The following ZBTB18 variants were observed in gnomAD, a reference collection of about 807,000 sequenced individuals.
The protein encoded by ZBTB18 is zinc finger and BTB domain containing 18, also known as zinc finger and BTB domain-containing protein 18.
Under a neutral mutation model 37.7 loss-of-function variants are expected in ZBTB18, and 2 were observed. The ratio of observed to expected loss-of-function variants is 0.05; its 90% CI spans 0.02 to 0.17. The LOEUF (loss-of-function observed/expected upper bound fraction) is 0.17. Ranked by LOEUF, ZBTB18 falls within the 10% of genes least tolerant of loss-of-function variation. The pLI is 1.00. For missense variants in ZBTB18, 408 were observed against 686.3 expected, an observed-to-expected ratio of 0.59 and a Z score of 4.53; for synonymous variants, 304 against 276.5, an observed-to-expected ratio of 1.10 and a Z score of -0.99.
upstream of ZBTB18, chr1:244,048,937 A>AGGAGGC (rs2148551211): frequency 6.3e-6 from 1 of 157,998 alleles, no homozygotes; most frequent in East Asian, 2.0e-4. Flanking sequence ...GAGGAGGAGG[A>AGGAGGC]GGAGGAGGCG....
chr1:244,053,338 AC>A lies in ZBTB18; in HGVS notation c.14-449del, dbSNP rs1300698568. 1.3e-5 allele frequency among the ~76,000 whole-genome samples: 2 copies of A among 152,188 alleles called. No individual in the cohort carries two copies. The highest frequency in any genetic ancestry group is 3.8e-4 in the East Asian group (2 of 5,198). The stretch of plus-strand genomic sequence containing the variant: ...CAAAAGTAATAAAAAGGATGGTTGA[AC>A]AAGTTTTCTTGTATGTTCCAGGATA... On this transcript the variant is annotated intron_variant, in intron 1 of 1. Transcript: ENST00000358704. The surrounding 1 kb of genome is among the most constrained non-coding windows in gnomAD (Gnocchi z 5.2).
intron 1 of ZBTB18, among the ~76,000 whole-genome samples, chr1:244,052,768 G>A (rs1698378767): frequency 6.6e-6 from 1 of 151,424 alleles, no homozygotes; most frequent in South Asian, 2.1e-4. Flanking sequence ...TGTTGGCTGA[G>A]GTAAGGCAGA....
chr1:244,049,239 C>G (rs558804254), upstream of ZBTB18, among the ~76,000 whole-genome samples: 1 of 94,726 alleles, frequency 1.1e-5, no homozygotes, highest in Admixed American at 1.1e-4. Context: ...GCTGCGGGGT[C>G]GGGCGGGGTG....
At chr1:244,050,856 T>C (rs943234426), upstream of ZBTB18, among the ~76,000 whole-genome samples, 13 of 152,194 alleles carry the variant, frequency 8.5e-5, no homozygotes, top group African/African-American at 3.1e-4. Flanking sequence ...ACTGGAGATG[T>C]CAAATGGGTT....
rs373509087 is a variant in ZBTB18, at chr1:244,055,199, C to T, written c.1425C>T (p.His475=). 31 of 1,613,960 alleles carry T rather than the reference C, an allele frequency of 1.9e-5. No homozygotes were observed. The African/African-American group carries it at 2.4e-4, about 13-fold the overall frequency. Residue 475 remains histidine, a synonymous_variant, in exon 2 of 2, where the codon CAC becomes CAT. Transcript: ENST00000358704. The surrounding 1 kb of genome is among the most constrained non-coding windows in gnomAD (Gnocchi z 7.0). Reference sequence around the variant, plus strand: ...TGGTGCACACCCGCGAGAAGCCGCACGCCTGCAAGTGGTGCGAGCGCAGGT... The same window carrying T: ...TGGTGCACACCCGCGAGAAGCCGCATGCCTGCAAGTGGTGCGAGCGCAGGT... ...HAVVHTREKP[H]ACKWCERRFT...
At chr1:244,050,162 G>A (rs569813646), upstream of ZBTB18, among the ~76,000 whole-genome samples, 1 of 152,200 alleles carries the variant, frequency 6.6e-6, no homozygotes, top group South Asian at 2.1e-4. Flanking sequence ...CTTTCTAATG[G>A]GAACGAAGTG....
At chr1:244,048,626 C>CCG (rs1291627050), upstream of ZBTB18, among the ~76,000 whole-genome samples, 8 of 99,556 alleles carry the variant, frequency 8.0e-5, no homozygotes, top group Non-Finnish European at 1.8e-4. Context: ...TCCCCCGCGC[C>CCG]CGCCCCCCCC....
Position 244,055,038 on chromosome 1 carries a change from T to G in ZBTB18, c.1264T>G (p.Ser422Ala). 6.2e-7 allele frequency: 1 copy of G among 1,614,198 alleles called. No homozygotes were observed. The highest frequency in any genetic ancestry group is 8.5e-7 in the Non-Finnish European group (1 of 1,180,046). ...CGCCGATGTCAACGTGCCCACGTGC[T>G]CGCTGTGTGGGAAGACTTTCTCTTG... ...PAADVNVPTC[S>A]LCGKTFSCMY... is the part of the protein sequence containing the mutation. The change falls in exon 2 of 2, where the codon TCG (serine) becomes GCG (alanine). Residue 422 changes from serine to alanine, a missense_variant. Transcript: ENST00000358704. The surrounding 1 kb of genome is among the most constrained non-coding windows in gnomAD (Gnocchi z 7.0).
chr1:244,051,572 A>G, intron 1 of ZBTB18, 128 bp downstream of exon 1: 1 of 1,089,550 alleles, frequency 9.2e-7, no homozygotes, highest in Non-Finnish European at 1.3e-6. Flanking sequence ...TTAAATGAAC[A>G]TCTTACTGGA....
chr1:244,051,153 G>T, upstream of ZBTB18: 1 of 386,324 alleles, frequency 2.6e-6, no homozygotes, highest in Non-Finnish European at 4.6e-6. Context: ...GGTGGCAGGA[G>T]TGTAGAGGAG....
Position 244,054,367 on chromosome 1 carries a change from C to T in ZBTB18, c.593C>T (p.Ser198Leu), listed in dbSNP as rs768129179. The T allele has an allele frequency of 6.2e-7, 1 of 1,614,182 alleles. No homozygotes were observed. The highest frequency in any genetic ancestry group is 8.5e-7 in the Non-Finnish European group (1 of 1,180,032). Reference sequence around the variant, plus strand: ...GGGAACATGTGGATGCGATTGCCCTCAGACTCAGCAGGCATCCCCCAGGCT... The same window carrying T: ...GGGAACATGTGGATGCGATTGCCCTTAGACTCAGCAGGCATCCCCCAGGCT... Reference protein sequence around the residue: ...EPGNMWMRLPSDSAGIPQAGG... With the variant: ...EPGNMWMRLPLDSAGIPQAGG... The change falls in exon 2 of 2, where the codon TCA (serine) becomes TTA (leucine). Residue 198 changes from serine (S) to leucine (L), a missense_variant. By Grantham distance (145) the Ser-to-Leu change is moderately radical. Coordinates refer to ENST00000358704, the MANE Select transcript of ZBTB18 (RefSeq NM_205768.3). This position sits in a 1 kb window ranked among gnomAD's most constrained non-coding sequence, Gnocchi z 9.0.
rs758155344 is a variant in ZBTB18 at position 244,051,316 on chromosome 1, C to A, written c.-116C>A. The A allele has an allele frequency of 6.3e-6, 7 of 1,119,158 alleles. No homozygotes were observed. The highest frequency in any genetic ancestry group is 9.3e-6 in the Non-Finnish European group (7 of 751,266). 69.3% of individuals were successfully genotyped at this position (1,119,158 alleles called of 1,614,324 possible). ...CGGATCTGTGGTGGAGAAGGTATCT[C>A]ATTCCTCTCTAACATCATCTCCACT... On this transcript the variant is annotated 5_prime_UTR_variant, in exon 1 of 2. Coordinates refer to ENST00000358704, the MANE Select transcript of ZBTB18 (RefSeq NM_205768.3).
rs1698454204 is a variant in ZBTB18, at chr1:244,055,754, C to T, written c.*384C>T. The T allele has an allele frequency of 6.0e-6, 1 of 165,750 alleles. No individual in the cohort carries two copies. Among genetic ancestry groups the T allele is most frequent in the African/African-American group, 2.4e-5 (1 of 41,068 alleles). The allele number at this position is 165,750 out of a possible 1,614,324, so 10.3% of individuals were successfully genotyped here. On this transcript the variant is annotated 3_prime_UTR_variant, in exon 2 of 2. Transcript: ENST00000358704. This position sits in a 1 kb window ranked among gnomAD's most constrained non-coding sequence, Gnocchi z 7.0. Reference sequence around the variant, plus strand: ...TTGTTTTTTTTTTTAAGTAGAAATTCCCTCCAGTTTTATTAGCCTCTTTAT... The same window carrying T: ...TTGTTTTTTTTTTTAAGTAGAAATTTCCTCCAGTTTTATTAGCCTCTTTAT...
upstream of ZBTB18, among the ~76,000 whole-genome samples, chr1:244,049,561 C>T (rs554402088): frequency 6.6e-6 from 1 of 152,184 alleles, no homozygotes; most frequent in Non-Finnish European, 1.5e-5. Context: ...CACTCTCCTC[C>T]CGCTGGCTGC....
Position 244,055,024 on chromosome 1 carries a change from A to G in ZBTB18, c.1250A>G (p.Asn417Ser), listed in dbSNP as rs778135558. The G allele has an allele frequency of 7.4e-6, 12 of 1,614,070 alleles. No homozygotes were observed. Among genetic ancestry groups the G allele is most frequent in the Middle Eastern group, 1.6e-4 (1 of 6,084 alleles). ...GIRSKPAADV[N>S]VPTCSLCGKT... Reference sequence around the variant, plus strand: ...CGCAGCAAGCCCGCCGCCGATGTCAACGTGCCCACGTGCTCGCTGTGTGGG... The same window carrying G: ...CGCAGCAAGCCCGCCGCCGATGTCAGCGTGCCCACGTGCTCGCTGTGTGGG... Residue 417 changes from asparagine to serine, a missense_variant, in exon 2 of 2, where the codon AAC becomes AGC. By Grantham distance (46) the Asn-to-Ser change is conservative. Transcript: ENST00000358704. This position sits in a 1 kb window ranked among gnomAD's most constrained non-coding sequence, Gnocchi z 7.0.
chr1:244,050,208 C>A (rs1391918790), upstream of ZBTB18, among the ~76,000 whole-genome samples: 1 of 152,142 alleles, frequency 6.6e-6, no homozygotes, highest in African/African-American at 2.4e-5. Flanking sequence ...CGCCTCAGGC[C>A]CCAGTTCCTT....
At chr1:244,051,916 A>G (rs1698362675) in intron 1 of ZBTB18, among the ~76,000 whole-genome samples, 1 of 152,204 alleles carries the variant, frequency 6.6e-6, no homozygotes, top group Non-Finnish European at 1.5e-5. Flanking sequence ...TGAAACATAC[A>G]GCTGTAGTGC....
rs945034957 is a variant in ZBTB18, at chr1:244,057,261, T to C, written c.*1891T>C. 21 of 167,078 alleles carry C rather than the reference T, an allele frequency of 1.3e-4. No homozygotes were observed. Among genetic ancestry groups the C allele is most frequent in the African/African-American group, 4.8e-4 (20 of 41,452 alleles). 10.3% of individuals were successfully genotyped at this position (167,078 alleles called of 1,614,324 possible). Reference sequence around the variant, plus strand: ...AAAACGGACTTTCTTTTGGATTTTCTTTTTGTGGTCATTGTGAGTGATTGC... The same window carrying C: ...AAAACGGACTTTCTTTTGGATTTTCCTTTTGTGGTCATTGTGAGTGATTGC... On this transcript the variant is annotated 3_prime_UTR_variant, in exon 2 of 2. Transcript: ENST00000358704.
rs1275316002 is a variant in ZBTB18, at chr1:244,054,808, AGAT to A, written c.1040_1042del (p.Met347del). On this transcript the variant is annotated inframe_deletion, in exon 2 of 2. Transcript: ENST00000358704. The surrounding 1 kb of genome is among the most constrained non-coding windows in gnomAD (Gnocchi z 9.0). ...CGGGAGGACAAAGCCAGTGATGATGAGATGATGACCCCAGAGAGCGAGCGTGTC... is the reference window on the plus strand; with the variant it reads ...CGGGAGGACAAAGCCAGTGATGATGAGATGACCCCAGAGAGCGAGCGTGTC... The A allele has an allele frequency of 2.5e-6, 4 of 1,614,130 alleles. No individual in the cohort carries two copies. The highest frequency in any genetic ancestry group is 3.4e-6 in the Non-Finnish European group (4 of 1,180,024).
Sources: allele counts gnomAD v4.1 joint callset (sites outside exome capture counted in the v4.1 genomes callset), GRCh38; gene constraint gnomAD v4.1.1; non-coding constraint Gnocchi (gnomAD v3.1); transcripts MANE v1.5; gene names NCBI Gene and HGNC (gene_info 2026-07-23, HGNC 2026-07-21).